Variants in ACOT12 observed in about 807,000 individuals in gnomAD.
ACOT12 encodes acetyl-coenzyme A thioesterase.
Under a neutral mutation model 67.7 loss-of-function variants are expected in ACOT12, and 51 were observed. The ratio of observed to expected loss-of-function variants is 0.75; its 90% CI spans 0.60 to 0.95. ACOT12 has a LOEUF of 0.95. Among genes scored for constraint, ACOT12 ranks in the 40% least tolerant of loss-of-function variants. ACOT12 has a pLI of 0.00. For synonymous variants in ACOT12, 251 were observed against 244.6 expected (o/e 1.03, Z -0.24); for missense variants, 734 against 708.1 (o/e 1.04, Z -0.41).
In ACOT12 at chr5:81,347,908, T is replaced by A; in HGVS notation, c.519A>T (p.Glu173Asp). 6.2e-7 allele frequency: 1 copy of A among 1,613,622 alleles called. No homozygotes were observed. The highest frequency in any genetic ancestry group is 1.7e-5 in the Admixed American group (1 of 59,964). ...AGGTGCCCCTTGTGGAAACCGCTCCTTCCTCTTCATCAAAAATGAGATCTG... is the reference window on the plus strand; with the variant it reads ...AGGTGCCCCTTGTGGAAACCGCTCCATCCTCTTCATCAAAAATGAGATCTG... ...KFDDLIFDEE[E>D]GAVSTRGTSV... Residue 173 changes from glutamate to aspartate, a missense_variant, in exon 6 of 15, where the codon GAA becomes GAT. Transcript: ENST00000307624.
chr5:81,347,381 G>C (rs898272847), intron 6 of ACOT12, among the ~76,000 whole-genome samples: 1 of 152,144 alleles, frequency 6.6e-6, no homozygotes, highest in Admixed American at 6.5e-5. Context: ...AGAGTGCTGG[G>C]ATTATAGGTG....
At position 81,371,515 on chromosome 5, in the gene ACOT12, A is replaced by G. The variant is rs144691956; in HGVS notation, c.258+235T>C. Among the ~76,000 whole-genome samples, 42 of 152,152 alleles carry G rather than the reference A, an allele frequency of 2.8e-4. No individual in the cohort carries two copies. The East Asian group carries it at 8.1e-3, about 29-fold the overall frequency. On this transcript the variant is annotated intron_variant, in intron 3 of 14. Coordinates refer to ENST00000307624, the MANE Select transcript of ACOT12 (RefSeq NM_130767.3). ...TGATCTTCCTGTCTCAGCCTCTCAAAGTGCTGGGATTATAGGTGTGAGCTA... is the reference window on the plus strand; with the variant it reads ...TGATCTTCCTGTCTCAGCCTCTCAAGGTGCTGGGATTATAGGTGTGAGCTA...
At chr5:81,350,719 T>C (rs1230650575) in intron 5 of ACOT12, among the ~76,000 whole-genome samples, 1 of 152,210 alleles carries the variant, frequency 6.6e-6, no homozygotes, top group African/African-American at 2.4e-5. Context: ...CTTCTGAGGA[T>C]CCAAATCTTC....
At chr5:81,333,757 A>G (rs1758904787) in intron 12 of ACOT12, among the ~76,000 whole-genome samples, 1 of 151,996 alleles carries the variant, frequency 6.6e-6, no homozygotes, top group African/African-American at 2.4e-5. Flanking sequence ...ACCACGATGT[A>G]TCATTCTGAT....
chr5:81,377,948 G>A (rs1238124661), intron 2 of ACOT12, among the ~76,000 whole-genome samples: 3 of 152,158 alleles, frequency 2.0e-5, no homozygotes, highest in Non-Finnish European at 4.4e-5. Flanking sequence ...TCCCCATGAA[G>A]CTACCATTGA....
chr5:81,353,388 G>A (rs140420431), intron 5 of ACOT12, among the ~76,000 whole-genome samples: 33 of 152,294 alleles, frequency 2.2e-4, no homozygotes, highest in Non-Finnish European at 4.1e-4. Context: ...TGCTGGCTTT[G>A]AGTGATCAAG....
At chr5:81,367,005 T>A (rs1021475949) in intron 3 of ACOT12, among the ~76,000 whole-genome samples, 1 of 152,178 alleles carries the variant, frequency 6.6e-6, no homozygotes, top group African/African-American at 2.4e-5. Context: ...AAAATCCACA[T>A]TTCTTAGAAA....
At chr5:81,346,043 A>C in intron 6 of ACOT12, 39 bp from the exon 7 acceptor site, 1 of 1,603,884 alleles carries the variant, frequency 6.2e-7, no homozygotes, top group South Asian at 1.1e-5. Flanking sequence ...GAAAGCGATC[A>C]CACATTCATT....
the ACOT12 span, among the ~76,000 whole-genome samples, chr5:81,321,839 C>G: frequency 4.6e-5 from 7 of 152,048 alleles, no homozygotes; most frequent in East Asian, 9.7e-4. Flanking sequence ...CCCAGCTACC[C>G]GGGAGGCTGA....
At chr5:81,370,710 G>A (rs1760223121) in intron 3 of ACOT12, among the ~76,000 whole-genome samples, 1 of 152,144 alleles carries the variant, frequency 6.6e-6, no homozygotes, top group African/African-American at 2.4e-5. Flanking sequence ...TTTTGATGTA[G>A]GACTTCTAGC....
intron 11 of ACOT12, among the ~76,000 whole-genome samples, chr5:81,336,791 C>T (rs1012237172): frequency 6.6e-6 from 1 of 152,038 alleles, no homozygotes; most frequent in African/African-American, 2.4e-5. Flanking sequence ...TAGGACTTCA[C>T]TGCAGGAATC....
intron 2 of ACOT12, among the ~76,000 whole-genome samples, chr5:81,377,109 A>G (rs1760442142): frequency 6.6e-6 from 1 of 152,212 alleles, no homozygotes; most frequent in Admixed American, 6.5e-5. Context: ...TGGCAAACCG[A>G]ATCCAGCAGC....
chr5:81,322,251 TAAG>T, the ACOT12 span, among the ~76,000 whole-genome samples: 2 of 151,826 alleles, frequency 1.3e-5, no homozygotes, highest in Non-Finnish European at 2.9e-5. Context: ...AACCATAAAA[TAAG>T]GAGATTATTT....
intron 1 of ACOT12, 74 bp downstream of exon 1, chr5:81,393,914 C>CCCCCAG: frequency 7.9e-7 from 1 of 1,267,084 alleles, no homozygotes; most frequent in South Asian, 2.6e-5. Context: ...CCTTCCTACC[C>CCCCCAG]CCCCCAGCCC....
chr5:81,347,749 T>C (rs375949890), intron 6 of ACOT12, 25 bp downstream of exon 6: 15 of 1,609,454 alleles, frequency 9.3e-6, no homozygotes, highest in Admixed American at 3.4e-5. Flanking sequence ...CCCAAAATCA[T>C]AGGCCGAAGG....
At position 81,364,859 on chromosome 5, in the gene ACOT12, T is replaced by G. The variant is rs568749246; in HGVS notation, c.259-970A>C. ...CAGAGAGATGTACCATAACTTTTTT[T>G]AGCCTTTACTCTCAGAGTTTTTTTT... On this transcript the variant is annotated intron_variant, in intron 3 of 14. Coordinates refer to ENST00000307624, the MANE Select transcript of ACOT12 (RefSeq NM_130767.3). Among the ~76,000 whole-genome samples, 14 of 151,544 alleles carry G rather than the reference T, an allele frequency of 9.2e-5. No homozygotes were observed. In the South Asian group the frequency reaches 2.9e-3, roughly 32 times the overall value.
At chr5:81,343,128 A>C (rs747244449) in intron 10 of ACOT12, among the ~76,000 whole-genome samples, 4 of 152,032 alleles carry the variant, frequency 2.6e-5, no homozygotes, top group Non-Finnish European at 5.9e-5. Context: ...CGGAGGTTGC[A>C]GTGAGCCAAG....
intron 5 of ACOT12, among the ~76,000 whole-genome samples, chr5:81,355,093 T>C (rs1397482829): frequency 6.6e-6 from 1 of 152,204 alleles, no homozygotes; most frequent in Non-Finnish European, 1.5e-5. Context: ...AGGCTATTTC[T>C]TTCATCCTTT....
At chr5:81,375,631 G>T (rs935250813) in intron 2 of ACOT12, among the ~76,000 whole-genome samples, 3 of 151,746 alleles carry the variant, frequency 2.0e-5, no homozygotes, top group Admixed American at 1.3e-4. Flanking sequence ...CAAAATAAAG[G>T]GATGGAGGAA....
Sources: gnomAD v4.1 joint callset for allele counts (sites outside exome capture counted in the v4.1 genomes callset) on GRCh38, gnomAD v4.1.1 for gene constraint, MANE v1.5 for transcripts, NCBI Gene and HGNC (gene_info 2026-07-23, HGNC 2026-07-21) for gene names.